Variants in TBATA observed in about 807,000 individuals in gnomAD.
TBATA encodes the protein thymus, brain and testes associated.
A neutral mutation model predicts 38.7 loss-of-function variants in TBATA; 47 were observed. The ratio of observed to expected loss-of-function variants is 1.21; its 90% confidence interval spans 0.96 to 1.55. TBATA has a LOEUF of 1.55. Ranked by LOEUF, TBATA falls within the 40% of genes most tolerant of loss-of-function variation. The pLI, the probability that TBATA is intolerant of heterozygous loss-of-function variation, is 0.00. For synonymous variants in TBATA, 183 were observed against 170.5 expected, an observed-to-expected ratio of 1.07 and a Z score of -0.57; for missense variants, 436 against 435.6, an observed-to-expected ratio of 1.00 and a Z score of -0.01.
chr10:70,771,571 G>T, intron 10 of TBATA, 110 bp from the exon 11 acceptor site: 1 of 999,634 alleles, frequency 1.0e-6, no homozygotes, highest in Non-Finnish European at 1.5e-6. Context: ...GTCAAGCCCA[G>T]CTCCTGCTCT....
At position 70,779,679 on chromosome 10, in the gene TBATA, A is replaced by G. The variant is rs776429622; in HGVS notation, c.341T>C (p.Val114Ala). 5.7e-5 allele frequency: 87 copies of G among 1,536,406 alleles called. No homozygotes were observed. Among genetic ancestry groups the G allele is most frequent in the Non-Finnish European group, 7.6e-5 (87 of 1,151,712 alleles). The change falls in exon 5 of 11, where the codon GTC becomes GCC. Residue 114 changes from valine (V) to alanine (A), a missense_variant. Physicochemically the swap from Val to Ala is moderately conservative, Grantham distance 64. Transcript: ENST00000456372. ...DFPAPLPEST[V>A]FSGCQMGIPT... ...TATCCCCATTTGACAGCCGGAAAAGACAGTTGACTCAGGCAAGGGGGCTGG... is the reference window on the plus strand; with the variant it reads ...TATCCCCATTTGACAGCCGGAAAAGGCAGTTGACTCAGGCAAGGGGGCTGG...
Position 70,774,278 on chromosome 10 carries a change from T to C in TBATA, c.855A>G (p.Glu285=). ...LPQPLVSIPT[E]KLLSQLPEVH... Reference sequence around the variant, plus strand: ...CTTCTGGAAGCTGGCTTAGGAGCTTTTCTGTAGGGATGGAGACTAGGGGCT... The same window carrying C: ...CTTCTGGAAGCTGGCTTAGGAGCTTCTCTGTAGGGATGGAGACTAGGGGCT... The change falls in exon 9 of 11, where the codon GAA becomes GAG. Residue 285 remains glutamate (E), a synonymous_variant. Coordinates refer to ENST00000456372, the MANE Select transcript of TBATA (RefSeq NM_001318241.2). 1 of 1,611,304 alleles carries C rather than the reference T, an allele frequency of 6.2e-7. No individual in the cohort carries two copies.
At chr10:70,776,519 C>T (rs544843953) in intron 7 of TBATA, 4 of 415,184 alleles carry the variant, frequency 9.6e-6, no homozygotes, top group African/African-American at 8.1e-5. Flanking sequence ...CTGCTCTATC[C>T]ACTTTGCTGC....
intron 5 of TBATA, among the ~76,000 whole-genome samples, chr10:70,779,159 G>C (rs895182828): frequency 4.6e-5 from 7 of 152,212 alleles, no homozygotes; most frequent in African/African-American, 1.7e-4. Context: ...CTGGCTTCCA[G>C]CACCTCAGTG....
At chr10:70,779,870 T>A (rs1589408278) in intron 4 of TBATA, 128 bp from the exon 5 acceptor site, 1 of 993,558 alleles carries the variant, frequency 1.0e-6, no homozygotes, top group African/African-American at 1.7e-5. Context: ...AGCTGATAGA[T>A]TATCAGAGCT....
Position 70,783,421 on chromosome 10 carries a change from TA to T in TBATA, c.-43del. ...GACTAAAGGCCAGTGCACTTAATAC[TA>T]GCGTTGAGGATGCAGAACAGGAACT... is the stretch of plus-strand genomic sequence containing the variant. On this transcript the variant is annotated 5_prime_UTR_variant, in exon 3 of 11. Coordinates refer to ENST00000456372, the MANE Select transcript of TBATA (RefSeq NM_001318241.2). 1 of 1,610,448 alleles carries T rather than the reference TA, an allele frequency of 6.2e-7. No individual in the cohort carries two copies. Among genetic ancestry groups the T allele is most frequent in the Non-Finnish European group, 8.5e-7 (1 of 1,176,798 alleles).
chr10:70,776,849 C>CA lies in TBATA; in HGVS notation c.693+303dup, dbSNP rs1398019073. Among the ~76,000 whole-genome samples, 9 of 152,292 alleles carry CA rather than the reference C, an allele frequency of 5.9e-5. No individual in the cohort carries two copies. In the East Asian group the frequency reaches 1.4e-3, roughly 23 times the overall value. ...ATGGGCAGGACCTCCTTCTTCAACC[C>CA]ACCATTGCAGCTCCCTTCACTAACT... On this transcript the variant is annotated intron_variant, in intron 7 of 10. Transcript: ENST00000456372.
chr10:70,771,557 C>CGA (rs1842795805), intron 10 of TBATA, 96 bp from the exon 11 acceptor site: 5 of 1,166,908 alleles, frequency 4.3e-6, no homozygotes, highest in African/African-American at 1.5e-5. Flanking sequence ...AGGGGAAGGT[C>CGA]TGAGTCAAGC....
rs918188168 is a variant in TBATA at position 70,783,451 on chromosome 10, A to G, written c.-72T>C. 6.5e-7 allele frequency: 1 copy of G among 1,547,646 alleles called. No individual in the cohort carries two copies. Among genetic ancestry groups the G allele is most frequent in the African/African-American group, 1.4e-5 (1 of 73,770 alleles). On this transcript the variant is annotated 5_prime_UTR_variant, in exon 3 of 11. Transcript: ENST00000456372. Reference sequence around the variant, plus strand: ...TTGAGGATGCAGAACAGGAACTCTCACTTAATACTAGTGTTGAGGATGCAG... The same window carrying G: ...TTGAGGATGCAGAACAGGAACTCTCGCTTAATACTAGTGTTGAGGATGCAG...
chr10:70,771,907 G>C (rs1842830121), intron 10 of TBATA, among the ~76,000 whole-genome samples: 1 of 152,042 alleles, frequency 6.6e-6, no homozygotes. Context: ...AGTAGCCAGA[G>C]GGGGCATGCA....
chr10:70,777,310 C>T lies in TBATA; in HGVS notation c.536G>A (p.Arg179Gln), dbSNP rs142440867. Residue 179 changes from arginine to glutamine, a missense_variant, in exon 7 of 11, where the codon CGG becomes CAG. Physicochemically the swap from Arg to Gln is conservative, Grantham distance 43. Coordinates refer to ENST00000456372, the MANE Select transcript of TBATA (RefSeq NM_001318241.2). ...EQKEQKEEPL[R>Q]EQGAKYSAET... is the part of the protein sequence containing the mutation. ...TGCTGAGTACTTTGCCCCCTGCTCC[C>T]GCAGAGGCTCCTCCTTCTGCTCCTT... 98 of 1,613,482 alleles carry T rather than the reference C, an allele frequency of 6.1e-5. No homozygotes were observed. The African/African-American group carries it at 8.0e-4, about 13-fold the overall frequency.
chr10:70,782,424 C>G, intron 3 of TBATA: 2 of 1,298,530 alleles, frequency 1.5e-6, no homozygotes, highest in Non-Finnish European at 2.0e-6. Context: ...ATGGTCTCAA[C>G]AGGGGCCTCT....
chr10:70,782,148 C>A lies in TBATA; in HGVS notation c.42-112G>T. ...ACCCCTTCCTGAGGAGCTCTGAAATCTGGTTTCCTGGGTTTCACCACCACC... is the reference window on the plus strand; with the variant it reads ...ACCCCTTCCTGAGGAGCTCTGAAATATGGTTTCCTGGGTTTCACCACCACC... On this transcript the variant is annotated intron_variant, in intron 3 of 10. Transcript: ENST00000456372. The A allele has an allele frequency of 3.1e-6, 4 of 1,307,750 alleles. No individual in the cohort carries two copies. The South Asian group carries it at 5.6e-5, about 18-fold the overall frequency. 81.0% of individuals were successfully genotyped at this position (1,307,750 alleles called of 1,614,324 possible).
At chr10:70,771,508 GCCCC>G in intron 10 of TBATA, 47 bp from the exon 11 acceptor site, 2 of 1,588,714 alleles carry the variant, frequency 1.3e-6, no homozygotes, top group South Asian at 1.1e-5. Flanking sequence ...GGAAGGTGGG[GCCCC>G]CACCTGGGAG....
chr10:70,777,401 G>A lies in TBATA; in HGVS notation c.508-63C>T. 4.7e-6 allele frequency: 7 copies of A among 1,492,794 alleles called. No homozygotes were observed. The South Asian group carries it at 4.8e-5, about 10-fold the overall frequency. The allele number at this position is 1,492,794 out of a possible 1,614,324, so 92.5% of individuals were successfully genotyped here. On this transcript the variant is annotated intron_variant, in intron 6 of 10. Coordinates refer to ENST00000456372, the MANE Select transcript of TBATA (RefSeq NM_001318241.2). Reference sequence around the variant, plus strand: ...AAGAGGGGAGGAAGAGGGCTGAGGGGAGGAGAGGAGCAGGAGGCCGGGTCA... The same window carrying A: ...AAGAGGGGAGGAAGAGGGCTGAGGGAAGGAGAGGAGCAGGAGGCCGGGTCA...
At chr10:70,779,183 T>C (rs1422707102) in intron 5 of TBATA, among the ~76,000 whole-genome samples, 1 of 152,208 alleles carries the variant, frequency 6.6e-6, no homozygotes, top group Non-Finnish European at 1.5e-5. Context: ...GAAAGGATAA[T>C]GCTTGGCAGA....
intron 3 of TBATA, chr10:70,782,466 C>T (rs1486241729): frequency 7.7e-7 from 1 of 1,291,282 alleles, no homozygotes; most frequent in African/African-American, 1.5e-5. Context: ...GCCCAGAGGC[C>T]AGCTATAGGC....
At chr10:70,774,461 C>G in intron 8 of TBATA, 104 bp from the exon 9 acceptor site, 1 of 1,136,754 alleles carries the variant, frequency 8.8e-7, no homozygotes, top group South Asian at 1.5e-5. Flanking sequence ...TTTCTCTAAG[C>G]ATCCCACCTT....
intron 10 of TBATA, 183 bp downstream of exon 10, chr10:70,772,331 A>G: frequency 1.4e-6 from 1 of 738,142 alleles, no homozygotes; most frequent in Non-Finnish European, 2.5e-6. Context: ...CCCAGAGTTC[A>G]GCACATTGTG....
Sources: gnomAD v4.1 joint callset for allele counts (sites outside exome capture counted in the v4.1 genomes callset) on GRCh38, gnomAD v4.1.1 for gene constraint, MANE v1.5 for transcripts, NCBI Gene and HGNC (gene_info 2026-07-23, HGNC 2026-07-21) for gene names.